The following KIF13A variants were observed in gnomAD, a reference collection of about 807,000 sequenced individuals.
KIF13A encodes the protein kinesin family member 13A, also known as kinesin-like protein KIF13A.
KIF13A carries 79 observed loss-of-function variants against 212.2 expected under a neutral mutation model. The observed-to-expected ratio is 0.37, with a 90% CI of 0.31 to 0.45. The LOEUF (loss-of-function observed/expected upper bound fraction) is 0.45. Among genes scored for constraint, KIF13A ranks in the 20% least tolerant of loss-of-function variants. The pLI is 1.00. For synonymous variants in KIF13A, 789 were observed against 808.6 expected, an observed-to-expected ratio of 0.98 and a Z score of 0.41; for missense variants, 1,901 against 2,209.0, an observed-to-expected ratio of 0.86 and a Z score of 2.79.
chr6:17,956,937 A>C (rs1024248875), intron 2 of KIF13A, among the ~76,000 whole-genome samples: 3 of 152,024 alleles, frequency 2.0e-5, no homozygotes, highest in Non-Finnish European at 4.4e-5. Flanking sequence ...GCTGGAGTGC[A>C]GTGGTACAAT....
chr6:17,911,084 AATTTC>A (rs1256712588), intron 2 of KIF13A, among the ~76,000 whole-genome samples: 1 of 152,214 alleles, frequency 6.6e-6, no homozygotes, highest in Non-Finnish European at 1.5e-5. Flanking sequence ...TTTATAAGTT[AATTTC>A]ATTATTTTAA....
At chr6:17,911,094 T>C (rs1774022476) in intron 2 of KIF13A, among the ~76,000 whole-genome samples, 1 of 152,232 alleles carries the variant, frequency 6.6e-6, no homozygotes, top group South Asian at 2.1e-4. Flanking sequence ...AATTTCATTA[T>C]TTTAAAACTC....
chr6:17,775,611 A>C (rs1322125217), intron 34 of KIF13A, among the ~76,000 whole-genome samples: 1 of 152,176 alleles, frequency 6.6e-6, no homozygotes, highest in Non-Finnish European at 1.5e-5. Flanking sequence ...AGTAATAGTC[A>C]TTATTTTAGT....
chr6:17,978,106 C>G (rs1420248224), intron 2 of KIF13A, among the ~76,000 whole-genome samples: 1 of 152,182 alleles, frequency 6.6e-6, no homozygotes, highest in Non-Finnish European at 1.5e-5. Flanking sequence ...AATGAGGGGG[C>G]TTGGACTGGT....
chr6:17,929,058 T>TCAAAAAAAAAAA, intron 2 of KIF13A, among the ~76,000 whole-genome samples: 2 of 12,066 alleles, frequency 1.7e-4, no homozygotes, highest in African/African-American at 3.6e-4. Flanking sequence ...AAAGAATTTC[T>TCAAAAAAAAAAA]CAAAAAAAAA....
rs755445981 is a variant in KIF13A, at chr6:17,773,507, G to C, written c.4295C>G (p.Pro1432Arg). 4 of 1,608,196 alleles carry C rather than the reference G, an allele frequency of 2.5e-6. No individual in the cohort carries two copies. The South Asian group carries it at 4.4e-5, about 18-fold the overall frequency. ...TTTATTCCTTCGAGGAGAATCCCTG[G>C]GTAAAGTTCCATAACATGCTACATC... is the stretch of plus-strand genomic sequence containing the variant. ...YQDVACYGTLPRDSPRRNKEG... is the reference protein window; with the variant it reads ...YQDVACYGTLRRDSPRRNKEG... The change falls in exon 36 of 39, where the codon CCC (proline) becomes CGC (arginine). Residue 1432 changes from proline (P) to arginine (R), a missense_variant. By Grantham distance (103) the Pro-to-Arg change is moderately radical (BLOSUM62 -2). Transcript: ENST00000259711. The surrounding 1 kb of genome is among the most constrained non-coding windows in gnomAD (Gnocchi z 4.2).
At chr6:17,760,411 G>A (rs1282041994), downstream of KIF13A, 1 of 153,770 alleles carries the variant, frequency 6.5e-6, no homozygotes, top group Non-Finnish European at 1.4e-5. Flanking sequence ...TCTGTCTCCA[G>A]ACATACTATA....
chr6:17,823,450 C>T (rs1764655428), intron 16 of KIF13A, among the ~76,000 whole-genome samples: 2 of 141,482 alleles, frequency 1.4e-5, no homozygotes, highest in South Asian at 5.0e-4. Context: ...TCCTCCCTCT[C>T]TTTTTCCTTC....
chr6:17,920,305 C>A (rs1439668191), intron 2 of KIF13A, among the ~76,000 whole-genome samples: 1 of 152,252 alleles, frequency 6.6e-6, no homozygotes, highest in East Asian at 1.9e-4. Context: ...ACTTCTCCCC[C>A]ACTTACCAAA....
rs199734807 is a variant in KIF13A, at chr6:17,764,609, A to G, written c.4919T>C (p.Leu1640Pro). The change falls in exon 39 of 39, where the codon CTT (leucine) becomes CCT (proline). Residue 1640 changes from leucine (L) to proline (P), a missense_variant. This residue lies in a region of KIF13A where 687 missense variants were observed against 759.1 expected (regional missense o/e 0.90). Coordinates refer to ENST00000259711, the MANE Select transcript of KIF13A (RefSeq NM_022113.6). The surrounding 1 kb of genome is among the most constrained non-coding windows in gnomAD (Gnocchi z 5.1). Reference protein sequence around the residue: ...ADSTEHSTPSLVHDFRPSSNK... With the variant: ...ADSTEHSTPSPVHDFRPSSNK... ...TGAGGACGGCCTGAAATCATGCACA[A>G]GCGATGGTGTGGAGTGCTCGGTGGA... The G allele has an allele frequency of 9.3e-6, 15 of 1,613,710 alleles. No individual in the cohort carries two copies. In the East Asian group the frequency reaches 3.3e-4, roughly 36 times the overall value.
chr6:17,882,842 G>A (rs1223953260), intron 3 of KIF13A, among the ~76,000 whole-genome samples: 2 of 152,266 alleles, frequency 1.3e-5, no homozygotes, highest in South Asian at 2.1e-4. Context: ...GATTAAAGGC[G>A]TGCGGCACGG....
intron 38 of KIF13A, among the ~76,000 whole-genome samples, chr6:17,767,506 C>A (rs559223455): frequency 1.3e-5 from 2 of 152,164 alleles, no homozygotes; most frequent in Non-Finnish European, 2.9e-5. Flanking sequence ...CTGCCCGTCT[C>A]GGGCTTCTAA....
At chr6:17,845,576 A>G (rs1766945528) in intron 9 of KIF13A, among the ~76,000 whole-genome samples, 1 of 152,220 alleles carries the variant, frequency 6.6e-6, no homozygotes, top group Non-Finnish European at 1.5e-5. Flanking sequence ...ACTGAATAAA[A>G]TGGAACCATT....
rs1761049606 is a variant in KIF13A, at chr6:17,786,314, A to G, written c.3362-673T>C. On this transcript the variant is annotated intron_variant, in intron 27 of 38. Transcript: ENST00000259711. The surrounding 1 kb of genome is among the most constrained non-coding windows in gnomAD (Gnocchi z 5.4). ...TACAAAGACAGGATTAAAAAACACC[A>G]TAGGCCGGGCACGGTGGCTCACGGC... Among the ~76,000 whole-genome samples the G allele has an allele frequency of 6.6e-6, 1 of 152,168 alleles. No individual in the cohort carries two copies.
intron 2 of KIF13A, among the ~76,000 whole-genome samples, chr6:17,977,114 C>CAAAAAAAAAAAAAAAAAAAAAAAAAA (rs398000718): frequency 9.4e-6 from 1 of 106,698 alleles, no homozygotes; most frequent in Non-Finnish European, 1.9e-5. Context: ...AAAACAACAA[C>CAAAAAAAAAAAAAAAAAAAAAAAAAA]AAAAAAAAAA....
chr6:17,779,259 T>TATATATTTA (rs1760294837), intron 32 of KIF13A, among the ~76,000 whole-genome samples, 160 bp from the exon 33 acceptor site: 1 of 5,414 alleles, frequency 1.8e-4, no homozygotes, highest in Non-Finnish European at 3.1e-4. Context: ...ATATATATAT[T>TATATATTTA]TTTTTTTTTT....
rs1761839576 is a variant in KIF13A, at chr6:17,794,159, A to G, written c.3222+90T>C. 1 of 1,004,262 alleles carries G rather than the reference A, an allele frequency of 1.0e-6. No homozygotes were observed. Among genetic ancestry groups the G allele is most frequent in the Non-Finnish European group, 1.5e-6 (1 of 676,862 alleles). 62.2% of individuals were successfully genotyped at this position (1,004,262 alleles called of 1,614,324 possible). Reference sequence around the variant, plus strand: ...CTGGGGGAAGATCTACGGTTAAGGCAAAGAGTTCTGTTATATTGGCAAAGA... The same window carrying G: ...CTGGGGGAAGATCTACGGTTAAGGCGAAGAGTTCTGTTATATTGGCAAAGA... On this transcript the variant is annotated intron_variant, in intron 25 of 38. Coordinates refer to ENST00000259711, the MANE Select transcript of KIF13A (RefSeq NM_022113.6). The surrounding 1 kb of genome is among the most constrained non-coding windows in gnomAD (Gnocchi z 4.1).
chr6:17,787,725 T>C lies in KIF13A; in HGVS notation c.3361+51A>G. 1 of 1,016,698 alleles carries C rather than the reference T, an allele frequency of 9.8e-7. No individual in the cohort carries two copies. Among genetic ancestry groups the C allele is most frequent in the South Asian group, 1.3e-5 (1 of 78,580 alleles). The allele number at this position is 1,016,698 out of a possible 1,614,324, so 63.0% of individuals were successfully genotyped here. A position where few individuals can be genotyped will look rare whatever the true frequency, so the allele number is the denominator to read the frequency against. ...GGGGAAGAAAACGACCTACTGCCATTGTGTAAAAGTGAAAAAGCTACTCCC... is the reference window on the plus strand; with the variant it reads ...GGGGAAGAAAACGACCTACTGCCATCGTGTAAAAGTGAAAAAGCTACTCCC... On this transcript the variant is annotated intron_variant, in intron 27 of 38. Coordinates refer to ENST00000259711, the MANE Select transcript of KIF13A (RefSeq NM_022113.6). The surrounding 1 kb of genome is among the most constrained non-coding windows in gnomAD (Gnocchi z 4.6).
At chr6:17,964,489 C>G (rs1378528551) in intron 2 of KIF13A, among the ~76,000 whole-genome samples, 1 of 151,612 alleles carries the variant, frequency 6.6e-6, no homozygotes, top group Non-Finnish European at 1.5e-5. Context: ...AGTACTAAAC[C>G]CAATCATTGG....
Sources: gnomAD v4.1 joint callset for allele counts (sites outside exome capture counted in the v4.1 genomes callset) on GRCh38, gnomAD v4.1.1 for gene constraint, gnomAD v4.1.1 regional missense constraint, Gnocchi (gnomAD v3.1) non-coding constraint, MANE v1.5 for transcripts, NCBI Gene and HGNC (gene_info 2026-07-23, HGNC 2026-07-21) for gene names.